ROBO2: variants seen among roughly 807,000 people sequenced by gnomAD.
ROBO2 encodes the protein roundabout guidance receptor 2.
In ROBO2, 53 loss-of-function variants were observed where a neutral mutation model predicts 160.8. The ratio of observed to expected loss-of-function variants is 0.33; its 90% CI spans 0.26 to 0.41. The LOEUF is 0.41. ROBO2 is among the 10% of genes least tolerant of loss of function. The probability of loss-of-function intolerance (pLI) is 1.00; values close to 1 mark genes in which losing one functional copy is unlikely to be tolerated. For missense variants in ROBO2, 1,577 were observed against 1,722.4 expected, an observed-to-expected ratio of 0.92 and a Z score of 1.49; for synonymous variants, 664 against 611.7, an observed-to-expected ratio of 1.09 and a Z score of -1.26.
intron 2 of ROBO2, among the ~76,000 whole-genome samples, chr3:76,422,242 C>G (rs1215689936): frequency 6.6e-6 from 1 of 152,052 alleles, no homozygotes; most frequent in East Asian, 1.9e-4. Flanking sequence ...TTCAGTGGTC[C>G]CCACTGCCCA....
intron 2 of ROBO2, among the ~76,000 whole-genome samples, chr3:77,124,773 A>G (rs1273423834): frequency 2.0e-5 from 3 of 152,072 alleles, no homozygotes; most frequent in Non-Finnish European, 4.4e-5. Flanking sequence ...ATTAAAAGTA[A>G]CAAATAAAGT....
At chr3:77,261,233 C>T (rs2058752367) in intron 2 of ROBO2, among the ~76,000 whole-genome samples, 2 of 152,066 alleles carry the variant, frequency 1.3e-5, no homozygotes, top group Non-Finnish European at 2.9e-5. Flanking sequence ...CATGCCTGGA[C>T]CAAAATGGCA....
At chr3:77,341,333 A>G (rs1400739518) in intron 2 of ROBO2, among the ~76,000 whole-genome samples, 1 of 152,166 alleles carries the variant, frequency 6.6e-6, no homozygotes, top group Non-Finnish European at 1.5e-5. Flanking sequence ...AATCCACCAT[A>G]TCTAAAATGA....
At chr3:76,551,054 G>A (rs915270496) in intron 2 of ROBO2, among the ~76,000 whole-genome samples, 1 of 152,068 alleles carries the variant, frequency 6.6e-6, no homozygotes, top group Non-Finnish European at 1.5e-5. Context: ...CGAGCTGCCA[G>A]CTCCAGGTGG....
chr3:77,051,750 C>T (rs754839311), intron 1 of ROBO2, among the ~76,000 whole-genome samples: 4 of 152,104 alleles, frequency 2.6e-5, no homozygotes, highest in Non-Finnish European at 5.9e-5. Flanking sequence ...CTAATCTTTG[C>T]ATTTGAAATG....
At chr3:77,334,100 T>C (rs761256580) in intron 2 of ROBO2, among the ~76,000 whole-genome samples, 6 of 152,210 alleles carry the variant, frequency 3.9e-5, no homozygotes, top group Non-Finnish European at 4.4e-5. Context: ...AATGCCTAAA[T>C]GAACTCAACC....
intron 2 of ROBO2, among the ~76,000 whole-genome samples, chr3:76,758,900 A>G (rs1560511017): frequency 1.3e-5 from 2 of 151,852 alleles, no homozygotes; most frequent in Non-Finnish European, 2.9e-5. Context: ...TGATAGATGT[A>G]TATAACACTG....
In ROBO2 at chr3:76,659,494, G is replaced by C. The variant is rs139586147; in HGVS notation, c.110-438520G>C. Among the ~76,000 whole-genome samples, 385 of 151,802 alleles carry C rather than the reference G, an allele frequency of 2.5e-3. 1 individual carries two copies. Among genetic ancestry groups the C allele is most frequent in the African/African-American group, 8.8e-3 (363 of 41,378 alleles). ...AGGGCAGTATATTGCTCTGTATTCT[G>C]TTGGCCTGTGAGAATCGGCTCACCC... On this transcript the variant is annotated intron_variant, in intron 2 of 26. Coordinates refer to the ROBO2 transcript ENST00000487694.
chr3:76,842,927 G>C (rs1350993311), intron 2 of ROBO2, among the ~76,000 whole-genome samples: 1 of 150,972 alleles, frequency 6.6e-6, no homozygotes, highest in Admixed American at 6.6e-5. Flanking sequence ...TGGCAGTTTT[G>C]ATCACACAAG....
At chr3:76,120,523 C>A (rs1188614921) in intron 2 of ROBO2, among the ~76,000 whole-genome samples, 1 of 152,144 alleles carries the variant, frequency 6.6e-6, no homozygotes, top group Non-Finnish European at 1.5e-5. Flanking sequence ...TTTATACAGA[C>A]TTTCATGTAC....
intron 1 of ROBO2, among the ~76,000 whole-genome samples, chr3:75,917,450 T>C (rs1400848412): frequency 6.6e-6 from 1 of 152,144 alleles, no homozygotes; most frequent in Non-Finnish European, 1.5e-5. Context: ...ATGGGCATTA[T>C]GTTGGTTCCA....
intron 2 of ROBO2, among the ~76,000 whole-genome samples, chr3:77,029,898 C>T (rs1213446675): frequency 6.6e-6 from 1 of 151,896 alleles, no homozygotes; most frequent in African/African-American, 2.4e-5. Context: ...AAATAGGCCT[C>T]CTATCCTTGA....
intron 2 of ROBO2, among the ~76,000 whole-genome samples, chr3:76,779,535 T>C (rs2062494462): frequency 6.6e-6 from 1 of 150,994 alleles, no homozygotes; most frequent in African/African-American, 2.4e-5. Context: ...TGACAACCAC[T>C]ATTCTACTAT....
At chr3:77,032,863 G>T (rs910741314) in intron 2 of ROBO2, among the ~76,000 whole-genome samples, 1 of 152,124 alleles carries the variant, frequency 6.6e-6, no homozygotes, top group Non-Finnish European at 1.5e-5. Flanking sequence ...AGAAGTGCCT[G>T]GATTCCATTG....
At chr3:77,096,353 C>T (rs1389747573) in intron 1 of ROBO2, among the ~76,000 whole-genome samples, 1 of 151,916 alleles carries the variant, frequency 6.6e-6, no homozygotes, top group Non-Finnish European at 1.5e-5. Flanking sequence ...GTAATTGATA[C>T]CATATAAATG....
intron 2 of ROBO2, among the ~76,000 whole-genome samples, chr3:77,107,085 G>A (rs2150144135): frequency 6.6e-6 from 1 of 152,270 alleles, no homozygotes; most frequent in African/African-American, 2.4e-5. Flanking sequence ...CCTGAGTTCA[G>A]AGAGCCAGCA....
intron 2 of ROBO2, among the ~76,000 whole-genome samples, chr3:77,310,760 T>A (rs1468775581): frequency 6.6e-6 from 1 of 151,912 alleles, no homozygotes; most frequent in Non-Finnish European, 1.5e-5. Flanking sequence ...CCCTGTATTA[T>A]AAGACCCAGA....
At chr3:76,816,988 G>A (rs998400436) in intron 2 of ROBO2, among the ~76,000 whole-genome samples, 8 of 151,964 alleles carry the variant, frequency 5.3e-5, no homozygotes, top group Admixed American at 2.0e-4. Flanking sequence ...ACCAAACGCC[G>A]CATGTTCTCA....
intron 2 of ROBO2, among the ~76,000 whole-genome samples, chr3:76,289,602 T>A (rs1357788687): frequency 6.6e-6 from 1 of 152,220 alleles, no homozygotes; most frequent in Non-Finnish European, 1.5e-5. Context: ...TAGGTTTTCT[T>A]CTAGCGTTTT....
Sources: allele counts gnomAD v4.1 joint callset (sites outside exome capture counted in the v4.1 genomes callset), GRCh38; gene constraint gnomAD v4.1.1; transcripts MANE v1.5; gene names NCBI Gene and HGNC (gene_info 2026-07-23, HGNC 2026-07-21).